The following COL5A3 variants were observed in gnomAD, a reference collection of about 807,000 sequenced individuals.
The protein encoded by COL5A3 is collagen type V alpha 3 chain.
In COL5A3, 172 loss-of-function variants were observed where a neutral mutation model predicts 250.0. The ratio of observed to expected loss-of-function variants is 0.69; its 90% CI spans 0.61 to 0.78. The LOEUF (loss-of-function observed/expected upper bound fraction) is 0.78. Among genes scored for constraint, COL5A3 ranks in the 30% least tolerant of loss-of-function variants. COL5A3 has a pLI of 0.00. For synonymous variants in COL5A3, 937 were observed against 900.4 expected, an observed-to-expected ratio of 1.04 and a Z score of -0.73; for missense variants, 2,340 against 2,334.4, an observed-to-expected ratio of 1.00 and a Z score of -0.05.
At chr19:9,989,082 C>T in intron 27 of COL5A3, 42 bp downstream of exon 27, 1 of 1,605,714 alleles carries the variant, frequency 6.2e-7, no homozygotes, top group African/African-American at 1.3e-5. Flanking sequence ...TGCCTGAACC[C>T]AAAGCTGGTA....
intron 1 of COL5A3, 77 bp from the exon 2 acceptor site, chr19:10,006,308 G>A (rs1480286364): frequency 1.4e-6 from 2 of 1,390,124 alleles, no homozygotes; most frequent in Non-Finnish European, 1.9e-6. Context: ...CAGGATAGAG[G>A]CTCAGGGTTT....
chr19:9,989,345 G>A lies in COL5A3; in HGVS notation c.2068C>T (p.Pro690Ser), dbSNP rs768997705. 15 of 1,614,118 alleles carry A rather than the reference G, an allele frequency of 9.3e-6. No homozygotes were observed. In the East Asian group the frequency reaches 3.1e-4, roughly 34 times the overall value. ...ACCTGAGCCCCTTTCTCTCCCGTGG[G>A]GCCCTCATGTCCTGGGTGACCCTGG... ...GPLGHPGHEG[P>S]TGEKGAQGPP... Residue 690 changes from proline to serine, a missense_variant, in exon 26 of 67, where the codon CCC (proline) becomes TCC (serine). Coordinates refer to ENST00000264828, the MANE Select transcript of COL5A3 (RefSeq NM_015719.4).
intron 45 of COL5A3, 53 bp downstream of exon 45, chr19:9,976,505 C>T: frequency 7.1e-7 from 1 of 1,410,012 alleles, no homozygotes; most frequent in South Asian, 1.4e-5. Flanking sequence ...TTTGCTCCCA[C>T]TATCCCTCCC....
chr19:9,963,310 A>G (rs918926215), intron 64 of COL5A3, among the ~76,000 whole-genome samples: 8 of 151,728 alleles, frequency 5.3e-5, no homozygotes, highest in Non-Finnish European at 7.4e-5. Flanking sequence ...GCAGCCTCAA[A>G]CTCCTGGGCT....
intron 14 of COL5A3, 42 bp downstream of exon 14, chr19:9,996,164 C>G: frequency 6.4e-7 from 1 of 1,551,446 alleles, no homozygotes; most frequent in Non-Finnish European, 8.7e-7. Context: ...TGATTCTTCA[C>G]TAATGCATGC....
At chr19:9,967,541 ACT>A (rs1398051221) in intron 61 of COL5A3, 141 bp from the exon 62 acceptor site, 15 of 644,480 alleles carry the variant, frequency 2.3e-5, no homozygotes, top group Admixed American at 6.9e-5. Flanking sequence ...TCACTCACAC[ACT>A]CACACACACA....
rs761068031 is a variant in COL5A3, at chr19:9,997,416, T to G, written c.1218A>C (p.Ser406=). ...GGAATCCTGGGGGGCCGGGAGGGCC[T>G]GAGGGGCCAACCACCCCCTGTTGGG... ...APGPQGVVGP[S]GPPGPPGFPG... Residue 406 remains serine (S), a synonymous_variant, in exon 11 of 67, where the codon TCA becomes TCC. Coordinates refer to ENST00000264828, the MANE Select transcript of COL5A3 (RefSeq NM_015719.4). The G allele has an allele frequency of 2.5e-6, 4 of 1,608,304 alleles. No individual in the cohort carries two copies. In the East Asian group the frequency reaches 6.7e-5, roughly 27 times the overall value.
intron 24 of COL5A3, 94 bp downstream of exon 24, chr19:9,991,516 G>A (rs2087188424): frequency 6.8e-6 from 7 of 1,034,892 alleles, no homozygotes; most frequent in South Asian, 3.1e-5. Context: ...ACTATCCAGA[G>A]CTAACAGAGG....
rs2087227366 is a variant in COL5A3 at position 9,993,601 on chromosome 19, G to C, written c.1695+18C>G. 6.2e-7 allele frequency: 1 copy of C among 1,613,474 alleles called. No homozygotes were observed. The highest frequency in any genetic ancestry group is 1.7e-5 in the Admixed American group (1 of 59,972). ...GGGAGGAGGGCTTAGACTTGGGGGA[G>C]GGACCTCACACACTCACCCTTTGGC... On this transcript the variant is annotated intron_variant, in intron 18 of 66. Coordinates refer to ENST00000264828, the MANE Select transcript of COL5A3 (RefSeq NM_015719.4).
At chr19:9,997,476 T>C (rs779906351) in intron 10 of COL5A3, 43 bp from the exon 11 acceptor site, 8 of 1,382,348 alleles carry the variant, frequency 5.8e-6, no homozygotes, top group Non-Finnish European at 8.0e-6. Context: ...AGTGCAAAGT[T>C]TGAGCTAGGC....
rs768144446 is a variant in COL5A3 at position 9,996,487 on chromosome 19, G to A, written c.1368C>T (p.Gly456=). The A allele has an allele frequency of 3.1e-6, 5 of 1,613,990 alleles. No individual in the cohort carries two copies. The Admixed American group carries it at 6.7e-5, about 22-fold the overall frequency. Residue 456 remains glycine, a synonymous_variant, in exon 13 of 67, where the codon GGC becomes GGT. Coordinates refer to ENST00000264828, the MANE Select transcript of COL5A3 (RefSeq NM_015719.4). ...PFQFAGGSFK[G]PPVSFQQAQA... Reference sequence around the variant, plus strand: ...GGGCCTGCTGGAATGAGACTGGGGGGCCTTTAAAGGAGCCGCCTGCAAACT... The same window carrying A: ...GGGCCTGCTGGAATGAGACTGGGGGACCTTTAAAGGAGCCGCCTGCAAACT...
chr19:9,969,250 G>A, intron 57 of COL5A3, 99 bp downstream of exon 57: 1 of 1,041,994 alleles, frequency 9.6e-7, no homozygotes, highest in Non-Finnish European at 1.4e-6. Context: ...CAGATGGATG[G>A]TCAGTGAGGG....
intron 27 of COL5A3, among the ~76,000 whole-genome samples, chr19:9,988,833 C>CAAAAAAAAAAAAAAAAAAAAAAAAAAA: frequency 2.5e-5 from 1 of 39,426 alleles, no homozygotes; most frequent in Non-Finnish European, 4.3e-5. Flanking sequence ...GACTCTGTCT[C>CAAAAAAAAAAAAAAAAAAAAAAAAAAA]AAAAAAAAAA....
intron 37 of COL5A3, 80 bp downstream of exon 37, chr19:9,979,759 C>T: frequency 7.5e-7 from 1 of 1,338,966 alleles, no homozygotes; most frequent in Non-Finnish European, 1.0e-6. Context: ...GCACTCTAGC[C>T]CAGGTGACAG....
chr19:9,992,983 C>T (rs2010454), intron 20 of COL5A3, 40 bp downstream of exon 20: 77,229 of 1,611,382 alleles, frequency 0.048, 4,795 homozygotes, highest in East Asian at 0.21. Flanking sequence ...GACTCCCTCC[C>T]CTGCACCAAG....
chr19:9,967,827 A>G, intron 61 of COL5A3, 77 bp downstream of exon 61: 1 of 1,385,604 alleles, frequency 7.2e-7, no homozygotes, highest in African/African-American at 1.4e-5. Flanking sequence ...ATGAAGGCAG[A>G]GACGTGGAGG....
chr19:10,009,162 GTGTGTGT>G lies in COL5A3; in HGVS notation c.88+1129_88+1135del, dbSNP rs917625506. On this transcript the variant is annotated intron_variant, in intron 1 of 66. Coordinates refer to ENST00000264828, the MANE Select transcript of COL5A3 (RefSeq NM_015719.4). This position sits in a 1 kb window ranked among gnomAD's most constrained non-coding sequence, Gnocchi z 4.4. ...ACTCCAAAGTAAGAAGTGTGCTGTGGTGTGTGTGTGTGTGTGTGTGTGTGTGTGTGTG... is the reference window on the plus strand; with the variant it reads ...ACTCCAAAGTAAGAAGTGTGCTGTGGGTGTGTGTGTGTGTGTGTGTGTGTG... 9.7e-4 allele frequency among the ~76,000 whole-genome samples: 11 copies of G among 11,338 alleles called. No homozygotes were observed. The highest frequency in any genetic ancestry group is 1.6e-3 in the African/African-American group (10 of 6,130). 7.4% of individuals were successfully genotyped at this position (11,338 alleles called of 152,430 possible). A position where few individuals can be genotyped will look rare whatever the true frequency, so the allele number is the denominator to read the frequency against.
chr19:9,986,235 A>G, intron 30 of COL5A3, 80 bp downstream of exon 30: 5 of 985,646 alleles, frequency 5.1e-6, no homozygotes, highest in Non-Finnish European at 7.5e-6. Context: ...GGTCGAAGGT[A>G]TAATAAAAGG....
chr19:10,006,117 C>A lies in COL5A3; in HGVS notation c.203G>T (p.Gly68Val), dbSNP rs780474437. 1 of 1,613,868 alleles carries A rather than the reference C, an allele frequency of 6.2e-7. No individual in the cohort carries two copies. The stretch of plus-strand genomic sequence containing the variant: ...GGGGATGCCGAGCGTGCTGGCCTGG[C>A]CAATTCTGAATGCCCGGTCACCCTC... ...TPEGDRAFRI[G>V]QASTLGIPTW... Residue 68 changes from glycine (G) to valine (V), a missense_variant, in exon 2 of 67, where the codon GGC becomes GTC. Around this residue, in one of 3 missense-constraint regions of COL5A3, gnomAD observed 1,152 missense variants for 1,146.3 expected, o/e 1.00. Transcript: ENST00000264828.
Sources: gnomAD v4.1 joint callset for allele counts (sites outside exome capture counted in the v4.1 genomes callset) on GRCh38, gnomAD v4.1.1 for gene constraint, gnomAD v4.1.1 regional missense constraint, Gnocchi (gnomAD v3.1) non-coding constraint, MANE v1.5 for transcripts, NCBI Gene and HGNC (gene_info 2026-07-23, HGNC 2026-07-21) for gene names.